TTLL7: variants seen among roughly 807,000 people sequenced by gnomAD.
TTLL7 encodes the protein tubulin polyglutamylase TTLL7.
In TTLL7, 53 loss-of-function variants were observed where a neutral mutation model predicts 120.2. That is an observed-to-expected ratio of 0.44 (90% CI 0.35 to 0.55). TTLL7 has a LOEUF of 0.55. Ranked by LOEUF, TTLL7 falls within the 20% of genes least tolerant of loss-of-function variation. TTLL7 has a pLI of 0.00. For synonymous variants in TTLL7, 353 were observed against 351.7 expected, an observed-to-expected ratio of 1.00 and a Z score of -0.04; for missense variants, 803 against 1,054.7, an observed-to-expected ratio of 0.76 and a Z score of 3.31.
intron 20 of TTLL7, 76 bp downstream of exon 20, chr1:83,882,887 A>C: frequency 2.0e-6 from 3 of 1,525,080 alleles, no homozygotes; most frequent in Non-Finnish European, 2.7e-6. Flanking sequence ...AAACAAAAAA[A>C]CACTGTCAAT....
At chr1:83,925,410 A>C (rs1571206397) in intron 10 of TTLL7, among the ~76,000 whole-genome samples, 1 of 152,304 alleles carries the variant, frequency 6.6e-6, no homozygotes, top group East Asian at 1.9e-4. Flanking sequence ...TACCTATTGC[A>C]GTGGTAGTGG....
intron 19 of TTLL7, among the ~76,000 whole-genome samples, chr1:83,885,937 G>A (rs896108751): frequency 8.6e-5 from 13 of 151,782 alleles, no homozygotes; most frequent in Admixed American, 3.9e-4. Context: ...AAGGAAATAG[G>A]GTCACCAAAA....
At chr1:83,911,111 A>AAT in intron 15 of TTLL7, 54 bp downstream of exon 15, 1 of 1,469,754 alleles carries the variant, frequency 6.8e-7, no homozygotes. Context: ...GAGTTTAATA[A>AAT]TTTCAGTTCC....
chr1:83,914,446 T>C (rs1184995013), intron 14 of TTLL7, among the ~76,000 whole-genome samples: 2 of 149,982 alleles, frequency 1.3e-5, no homozygotes, highest in South Asian at 2.1e-4. Context: ...ATTCTCCTGC[T>C]TCAGCCTCCC....
intron 1 of TTLL7, chr1:83,980,868 T>C (rs539088907): frequency 8.5e-5 from 13 of 152,078 alleles, no homozygotes; most frequent in Non-Finnish European, 2.9e-5. Flanking sequence ...AGGACCTAAA[T>C]GGAAGTAAAG....
At chr1:83,892,928 G>GAGAAAGAA (rs1553129435) in intron 18 of TTLL7, among the ~76,000 whole-genome samples, 7 of 102,668 alleles carry the variant, frequency 6.8e-5, no homozygotes, top group Non-Finnish European at 1.2e-4. Flanking sequence ...GAAAGAAAAA[G>GAGAAAGAA]AGAAAGAAAG....
At chr1:83,900,570 C>T (rs1656635306) in intron 18 of TTLL7, among the ~76,000 whole-genome samples, 1 of 151,866 alleles carries the variant, frequency 6.6e-6, no homozygotes, top group South Asian at 2.1e-4. Flanking sequence ...CAGGGAGAGA[C>T]ACTCTCTGCC....
At chr1:83,923,942 C>A (rs1658896057) in intron 10 of TTLL7, among the ~76,000 whole-genome samples, 1 of 152,254 alleles carries the variant, frequency 6.6e-6, no homozygotes, top group East Asian at 1.9e-4. Context: ...ACTTGCTTCA[C>A]GTGCTGTATA....
rs150352563 is a variant in TTLL7, at chr1:83,901,129, C to A, written c.2208+2950G>T. Among the ~76,000 whole-genome samples the A allele has an allele frequency of 4.2e-3, 642 of 152,022 alleles. 3 individuals carry two copies. The highest frequency in any genetic ancestry group is 0.015 in the African/African-American group (621 of 41,520). On this transcript the variant is annotated intron_variant, in intron 18 of 20. Coordinates refer to ENST00000260505, the MANE Select transcript of TTLL7 (RefSeq NM_024686.6). ...TTGTCATTTTATGTGCTACACTTAT[C>A]TGTCTTCCTCAAACTCCTCCTCTAT...
At chr1:83,922,639 T>C (rs1442756631) in intron 10 of TTLL7, among the ~76,000 whole-genome samples, 2 of 152,148 alleles carry the variant, frequency 1.3e-5, no homozygotes, top group African/African-American at 4.8e-5. Flanking sequence ...TCATTCAGGA[T>C]TACTGGAGCT....
intron 1 of TTLL7, among the ~76,000 whole-genome samples, chr1:83,992,036 A>T (rs1354934895): frequency 6.6e-6 from 1 of 152,198 alleles, no homozygotes; most frequent in Non-Finnish European, 1.5e-5. Context: ...ATAGGTCTTG[A>T]TGCATATTAT....
At chr1:83,966,303 C>T (rs752321545) in intron 1 of TTLL7, among the ~76,000 whole-genome samples, 1 of 152,056 alleles carries the variant, frequency 6.6e-6, no homozygotes, top group Admixed American at 6.6e-5. Context: ...AGATTTTTGA[C>T]TTGCCAGCCT....
intron 14 of TTLL7, among the ~76,000 whole-genome samples, chr1:83,917,116 A>G (rs1428574348): frequency 2.6e-5 from 4 of 151,140 alleles, no homozygotes; most frequent in Non-Finnish European, 5.9e-5. Flanking sequence ...AAAAAAAAAA[A>G]GGAGAACATG....
At chr1:83,931,315 A>C (rs906299933) in intron 9 of TTLL7, among the ~76,000 whole-genome samples, 1 of 152,092 alleles carries the variant, frequency 6.6e-6, no homozygotes, top group Non-Finnish European at 1.5e-5. Flanking sequence ...CACAAATTAA[A>C]GTATCCATAA....
Position 83,974,302 on chromosome 1 carries a change from T to C in TTLL7, c.-176-21915A>G, listed in dbSNP as rs983406486. ...CATTATAGAAGCTGTCATTGAAAAC[T>C]AGGAAGCAAACCAAAGACTACGACA... On this transcript the variant is annotated intron_variant, in intron 1 of 20. Transcript: ENST00000260505. Among the ~76,000 whole-genome samples, 3 of 151,926 alleles carry C rather than the reference T, an allele frequency of 2.0e-5. No individual in the cohort carries two copies. The East Asian group carries it at 5.8e-4, about 29-fold the overall frequency.
At position 83,921,272 on chromosome 1, in the gene TTLL7, T is replaced by C. The variant is rs1658636020; in HGVS notation, c.1265A>G (p.Gln422Arg). The part of the protein sequence containing the change: ...GSSDWEQQRH[Q>R]LERRKEELKE... ...CAACTCTTCTTTCCGCCTCTCCAAC[T>C]GGTGTCTCTGCTGTTCCCAGTCTGA... The change falls in exon 11 of 21, where the codon CAG becomes CGG. Residue 422 changes from glutamine to arginine, a missense_variant. Gln to Arg is a conservative substitution (Grantham distance 43, BLOSUM62 1). Around this residue, in one of 3 missense-constraint regions of TTLL7, gnomAD observed 324 missense variants for 507.7 expected, o/e 0.64. Coordinates refer to ENST00000260505, the MANE Select transcript of TTLL7 (RefSeq NM_024686.6). 6.2e-7 allele frequency: 1 copy of C among 1,612,916 alleles called. No individual in the cohort carries two copies. Among genetic ancestry groups the C allele is most frequent in the Non-Finnish European group, 8.5e-7 (1 of 1,179,680 alleles).
At chr1:83,909,258 TTTTTTTTTTCC>T (rs1304769714) in intron 15 of TTLL7, among the ~76,000 whole-genome samples, 3 of 51,372 alleles carry the variant, frequency 5.8e-5, no homozygotes, top group Admixed American at 2.7e-4. Flanking sequence ...CACAGATTAC[TTTTTTTTTTCC>T]TTTTTTTTTT....
chr1:83,970,874 G>A (rs1019846923), intron 1 of TTLL7, among the ~76,000 whole-genome samples: 1 of 151,978 alleles, frequency 6.6e-6, no homozygotes, highest in Non-Finnish European at 1.5e-5. Flanking sequence ...TAATCCCCTA[G>A]GAAAGTCTGG....
chr1:83,986,229 ATGTG>A (rs758155919), intron 1 of TTLL7, among the ~76,000 whole-genome samples: 15 of 152,296 alleles, frequency 9.8e-5, no homozygotes, highest in Non-Finnish European at 2.1e-4. Context: ...TATATGTATA[ATGTG>A]TGTGTATGTA....
Sources: allele counts gnomAD v4.1 joint callset (sites outside exome capture counted in the v4.1 genomes callset), GRCh38; gene constraint gnomAD v4.1.1; regional missense constraint gnomAD v4.1.1; transcripts MANE v1.5; gene names NCBI Gene and HGNC (gene_info 2026-07-23, HGNC 2026-07-21).